Variants in KCNK2 observed in about 807,000 individuals in gnomAD.
KCNK2 encodes the protein potassium channel subfamily K member 2.
A neutral mutation model predicts 40.5 loss-of-function variants in KCNK2; 21 were observed. The observed-to-expected ratio is 0.52, with a 90% CI of 0.37 to 0.75. The LOEUF is 0.75. Among genes scored for constraint, KCNK2 ranks in the 30% least tolerant of loss-of-function variants. KCNK2 has a pLI of 0.00. For synonymous variants in KCNK2, 191 were observed against 202.2 expected, an observed-to-expected ratio of 0.94 and a Z score of 0.47; for missense variants, 399 against 531.6, an observed-to-expected ratio of 0.75 and a Z score of 2.45.
intron 3 of KCNK2, among the ~76,000 whole-genome samples, chr1:215,139,430 A>G (rs1019473256): frequency 2.0e-5 from 3 of 152,226 alleles, no homozygotes; most frequent in Admixed American, 6.5e-5. Flanking sequence ...GGCATAGGTC[A>G]TAATTTCATG....
At position 215,012,228 on chromosome 1, in the gene KCNK2, C is replaced by T. The variant is rs753940548; in HGVS notation, c.34+6273C>T. ...ATAACTCTATAAGAAATTACCAAACCGTTTTCCAGAGTGGCTTGACCATTT... is the reference window on the plus strand; with the variant it reads ...ATAACTCTATAAGAAATTACCAAACTGTTTTCCAGAGTGGCTTGACCATTT... On this transcript the variant is annotated intron_variant, in intron 1 of 6. Transcript: ENST00000391895. Among the ~76,000 whole-genome samples, 8 of 152,162 alleles carry T rather than the reference C, an allele frequency of 5.3e-5. 2 individuals are homozygous for T. The Middle Eastern group carries it at 0.017, about 323-fold the overall frequency.
chr1:215,151,618 T>G (rs1388567895), intron 3 of KCNK2, among the ~76,000 whole-genome samples: 1 of 152,146 alleles, frequency 6.6e-6, no homozygotes, highest in Admixed American at 6.6e-5. Flanking sequence ...TATTTATGCA[T>G]AGATTTGATA....
chr1:215,083,200 C>CG lies in KCNK2; in HGVS notation c.-186_-185insG. 1.3e-6 allele frequency: 1 copy of CG among 748,256 alleles called. No individual in the cohort carries two copies. 46.4% of individuals were successfully genotyped at this position (748,256 alleles called of 1,614,324 possible). A position where few individuals can be genotyped will look rare whatever the true frequency, so the allele number is the denominator to read the frequency against. ...ATTTCGTTTCTTCTCACGCTCCCCC[C>CG]CCCGCCCCCTCCCGCGTCCAGCCCC... On this transcript the variant is annotated 5_prime_UTR_variant, in exon 1 of 7. Coordinates refer to ENST00000444842, the MANE Select transcript of KCNK2 (RefSeq NM_001017425.3).
intron 1 of KCNK2, among the ~76,000 whole-genome samples, chr1:215,007,097 A>ATATATG (rs1558054037): frequency 4.6e-4 from 58 of 125,562 alleles, no homozygotes; most frequent in African/African-American, 1.7e-3. Context: ...GTATATATAT[A>ATATATG]TGTATATATA....
chr1:215,005,823 A>G (rs895288637), upstream of KCNK2: 7 of 1,059,098 alleles, frequency 6.6e-6, no homozygotes, highest in Admixed American at 5.1e-5. Context: ...GCTTGTTAGT[A>G]CAAGTGACTC....
At chr1:215,147,687 T>A (rs1662488968) in intron 3 of KCNK2, among the ~76,000 whole-genome samples, 1 of 152,154 alleles carries the variant, frequency 6.6e-6, no homozygotes, top group East Asian at 1.9e-4. Flanking sequence ...ACACAAACAT[T>A]AGCTGGGTGT....
At chr1:215,106,351 G>A (rs1380777992) in intron 2 of KCNK2, among the ~76,000 whole-genome samples, 1 of 152,022 alleles carries the variant, frequency 6.6e-6, no homozygotes, top group Non-Finnish European at 1.5e-5. Context: ...GCAATGTTGA[G>A]CATTTTTTGT....
chr1:215,185,624 T>C (rs1664403020), intron 5 of KCNK2, among the ~76,000 whole-genome samples: 1 of 152,182 alleles, frequency 6.6e-6, no homozygotes, highest in African/African-American at 2.4e-5. Context: ...TATTTACTGT[T>C]TAGAACTTTC....
chr1:215,155,690 T>C (rs1239566037), intron 3 of KCNK2, among the ~76,000 whole-genome samples: 1 of 152,088 alleles, frequency 6.6e-6, no homozygotes, highest in Non-Finnish European at 1.5e-5. Context: ...CAGCTAATTT[T>C]TGTATTTTTT....
Position 215,086,419 on chromosome 1 carries a change from C to T in KCNK2, c.98C>T (p.Pro33Leu). ...AAATCTGCCGCTCAGAACTCCAAAC[C>T]GAGGCTCTCGTTTTCCACGAAACCC... ...DPKSAAQNSKPRLSFSTKPTV... is the reference protein window; with the variant it reads ...DPKSAAQNSKLRLSFSTKPTV... The change falls in exon 2 of 7, where the codon CCG (proline) becomes CTG (leucine). Residue 33 changes from proline (P) to leucine (L), a missense_variant. By Grantham distance (98) the Pro-to-Leu change is moderately conservative (BLOSUM62 -3). Coordinates refer to ENST00000444842, the MANE Select transcript of KCNK2 (RefSeq NM_001017425.3). 3.7e-6 allele frequency: 6 copies of T among 1,614,146 alleles called. No homozygotes were observed. The highest frequency in any genetic ancestry group is 5.1e-6 in the Non-Finnish European group (6 of 1,180,014).
chr1:215,198,434 C>T (rs950388964), intron 6 of KCNK2, among the ~76,000 whole-genome samples: 16 of 152,068 alleles, frequency 1.1e-4, no homozygotes, highest in African/African-American at 3.9e-4. Context: ...GGGAAAGGCC[C>T]CTTATAATTT....
intron 1 of KCNK2, among the ~76,000 whole-genome samples, chr1:215,039,110 T>C (rs1657480947): frequency 6.6e-6 from 1 of 152,126 alleles, no homozygotes; most frequent in Non-Finnish European, 1.5e-5. Flanking sequence ...TAGTAATTAT[T>C]CATTTTGTTT....
At chr1:215,170,680 C>A (rs1361340) in intron 4 of KCNK2, among the ~76,000 whole-genome samples, 116,933 of 152,052 alleles carry the variant, frequency 0.77, 45,258 homozygotes, top group Non-Finnish European at 0.79. Flanking sequence ...GAAATAGAAT[C>A]ACACAGTTAT....
intron 3 of KCNK2, 140 bp from the exon 4 acceptor site, chr1:215,169,059 G>A (rs1663577658): frequency 1.8e-6 from 1 of 569,336 alleles, no homozygotes. Context: ...TATTACAATA[G>A]TATGTAATAC....
intron 3 of KCNK2, among the ~76,000 whole-genome samples, chr1:215,140,355 G>T (rs561490095): frequency 2.0e-5 from 3 of 152,250 alleles, no homozygotes; most frequent in South Asian, 2.1e-4. Context: ...AGTGTGATGT[G>T]CCATATACAG....
intron 1 of KCNK2, among the ~76,000 whole-genome samples, chr1:215,076,786 A>C (rs1658955968): frequency 6.6e-6 from 1 of 152,200 alleles, no homozygotes; most frequent in African/African-American, 2.4e-5. Flanking sequence ...GGGTCAACTT[A>C]GGGACCCCCC....
Position 215,235,179 on chromosome 1 carries a change from G to T in KCNK2, c.*34G>T. 6.5e-7 allele frequency: 1 copy of T among 1,543,736 alleles called. No individual in the cohort carries two copies. Among genetic ancestry groups the T allele is most frequent in the East Asian group, 2.3e-5 (1 of 43,920 alleles). ...TTAAATAACCTTAGGCATAGCCATA[G>T]GTGAGGACTTCTCTATGCTCTTTAT... On this transcript the variant is annotated 3_prime_UTR_variant, in exon 7 of 7. Coordinates refer to ENST00000444842, the MANE Select transcript of KCNK2 (RefSeq NM_001017425.3).
At chr1:215,209,505 A>T (rs868455133) in intron 6 of KCNK2, among the ~76,000 whole-genome samples, 44 of 46,336 alleles carry the variant, frequency 9.5e-4, no homozygotes, top group East Asian at 1.5e-3. Context: ...ATAATATATA[A>T]TATATATAAA....
At chr1:215,117,337 A>G (rs933268566) in intron 2 of KCNK2, among the ~76,000 whole-genome samples, 1 of 152,104 alleles carries the variant, frequency 6.6e-6, no homozygotes, top group East Asian at 1.9e-4. Flanking sequence ...AGGATTCAAC[A>G]ATCACTCTGT....
Sources: gnomAD v4.1 joint callset for allele counts (sites outside exome capture counted in the v4.1 genomes callset) on GRCh38, gnomAD v4.1.1 for gene constraint, MANE v1.5 for transcripts, NCBI Gene and HGNC (gene_info 2026-07-23, HGNC 2026-07-21) for gene names.